CHCHD6: variants seen among roughly 807,000 people sequenced by gnomAD.
CHCHD6 encodes coiled-coil-helix-coiled-coil-helix domain containing 6, also known as MICOS complex subunit MIC25.
Under a neutral mutation model 32.3 loss-of-function variants are expected in CHCHD6, and 28 were observed. The ratio of observed to expected loss-of-function variants is 0.87; its 90% confidence interval spans 0.64 to 1.19. The LOEUF (loss-of-function observed/expected upper bound fraction) is 1.19, where lower values mean the gene tolerates loss of function less well. CHCHD6 is among the 50% of genes most tolerant of loss of function. The probability of loss-of-function intolerance (pLI) is 0.00; values close to 1 mark genes in which losing one functional copy is unlikely to be tolerated. For synonymous variants in CHCHD6, 122 were observed against 117.5 expected, an observed-to-expected ratio of 1.04 and a Z score of -0.25; for missense variants, 333 against 307.0, an observed-to-expected ratio of 1.08 and a Z score of -0.63.
At chr3:126,784,087 A>G (rs1938081712) in intron 4 of CHCHD6, among the ~76,000 whole-genome samples, 1 of 152,112 alleles carries the variant, frequency 6.6e-6, no homozygotes, top group East Asian at 1.9e-4. Context: ...AGCTGCCTGC[A>G]GGTAGCTTTC....
intron 4 of CHCHD6, among the ~76,000 whole-genome samples, chr3:126,761,323 A>T (rs575029544): frequency 6.6e-6 from 1 of 152,238 alleles, no homozygotes; most frequent in South Asian, 2.1e-4. Context: ...CCATCTTCAC[A>T]TGGCATTCTT....
intron 6 of CHCHD6, among the ~76,000 whole-genome samples, chr3:126,929,909 C>G (rs938470113): frequency 2.0e-5 from 3 of 152,200 alleles, no homozygotes; most frequent in Non-Finnish European, 2.9e-5. Flanking sequence ...CCTTCCCCAA[C>G]TAAGTCATTG....
intron 4 of CHCHD6, among the ~76,000 whole-genome samples, chr3:126,845,806 T>G (rs963496887): frequency 6.6e-6 from 1 of 152,232 alleles, no homozygotes; most frequent in East Asian, 1.9e-4. Context: ...GTTTTATAGT[T>G]TCCGGTGGTG....
chr3:126,868,609 G>A (rs753440643), intron 5 of CHCHD6, among the ~76,000 whole-genome samples: 1 of 152,090 alleles, frequency 6.6e-6, no homozygotes, highest in Non-Finnish European at 1.5e-5. Context: ...GCCTAGACTG[G>A]CTTCTGCTAT....
intron 4 of CHCHD6, among the ~76,000 whole-genome samples, chr3:126,755,211 G>A (rs1473905131): frequency 2.0e-5 from 3 of 152,208 alleles, no homozygotes; most frequent in African/African-American, 7.2e-5. Context: ...ATGGCAGGCA[G>A]CAGCTCTGTC....
intron 6 of CHCHD6, among the ~76,000 whole-genome samples, chr3:126,937,721 T>C (rs2078501316): frequency 6.6e-6 from 1 of 152,230 alleles, no homozygotes. Context: ...TCCCAGAGCA[T>C]GCTGGGTGGC....
At chr3:126,805,798 A>G (rs1235125205) in intron 4 of CHCHD6, among the ~76,000 whole-genome samples, 11 of 152,218 alleles carry the variant, frequency 7.2e-5, no homozygotes, top group Admixed American at 7.2e-4. Flanking sequence ...CTGACTTCAA[A>G]CTATACTACA....
chr3:126,727,287 C>A, intron 2 of CHCHD6, 101 bp downstream of exon 2: 1 of 758,304 alleles, frequency 1.3e-6, no homozygotes, highest in Non-Finnish European at 2.2e-6. Context: ...CTCAGGTTGG[C>A]TTCTGGATGA....
chr3:126,883,648 C>T (rs1361623649), intron 5 of CHCHD6, among the ~76,000 whole-genome samples: 1 of 152,202 alleles, frequency 6.6e-6, no homozygotes, highest in South Asian at 2.1e-4. Context: ...TTACCAGCCA[C>T]GGCCATCACT....
At chr3:126,909,800 G>T (rs1267523192) in intron 5 of CHCHD6, among the ~76,000 whole-genome samples, 1 of 152,266 alleles carries the variant, frequency 6.6e-6, no homozygotes, top group East Asian at 1.9e-4. Flanking sequence ...TGAGAATTCG[G>T]TAGAGCGCAC....
At chr3:126,729,498 A>G (rs1935685410) in intron 2 of CHCHD6, among the ~76,000 whole-genome samples, 1 of 152,234 alleles carries the variant, frequency 6.6e-6, no homozygotes, top group Non-Finnish European at 1.5e-5. Context: ...AAAAGCAAAA[A>G]TACCAGACAT....
At chr3:126,905,912 G>A (rs530217669) in intron 5 of CHCHD6, among the ~76,000 whole-genome samples, 26 of 152,234 alleles carry the variant, frequency 1.7e-4, no homozygotes, top group Admixed American at 3.3e-4. Context: ...GGGGCATCAC[G>A]CGAGAACCAA....
At chr3:126,783,420 A>G (rs906015121) in intron 4 of CHCHD6, among the ~76,000 whole-genome samples, 2 of 152,238 alleles carry the variant, frequency 1.3e-5, no homozygotes, top group Non-Finnish European at 1.5e-5. Context: ...TGCCACTTCT[A>G]TTCAACACAG....
chr3:126,820,803 T>G (rs541211044), intron 4 of CHCHD6, among the ~76,000 whole-genome samples: 114 of 152,364 alleles, frequency 7.5e-4, no homozygotes, highest in African/African-American at 2.7e-3. Context: ...TCCACATTCC[T>G]ACCACCATTT....
At chr3:126,788,956 T>G (rs928569117) in intron 4 of CHCHD6, among the ~76,000 whole-genome samples, 1 of 152,224 alleles carries the variant, frequency 6.6e-6, no homozygotes, top group African/African-American at 2.4e-5. Context: ...CTTGTGGGCA[T>G]TTAGTGCTAT....
chr3:126,955,002 C>T (rs921865169), intron 6 of CHCHD6, among the ~76,000 whole-genome samples: 28 of 152,202 alleles, frequency 1.8e-4, no homozygotes, highest in African/African-American at 6.5e-4. Context: ...AGGCAGAGAG[C>T]CTGGCCTGTG....
chr3:126,791,584 C>A (rs906122012), intron 4 of CHCHD6, among the ~76,000 whole-genome samples: 3 of 152,254 alleles, frequency 2.0e-5, no homozygotes, highest in Non-Finnish European at 4.4e-5. Context: ...GCTGTGCTAA[C>A]AATGAGCGAG....
chr3:126,733,039 C>G (rs752538498), intron 3 of CHCHD6, 39 bp from the exon 4 acceptor site: 13 of 1,606,960 alleles, frequency 8.1e-6, no homozygotes, highest in Non-Finnish European at 1.1e-5. Context: ...GCCCGTCATG[C>G]CATCCACATC....
At chr3:126,857,070 C>T (rs1390905188) in intron 5 of CHCHD6, among the ~76,000 whole-genome samples, 1 of 152,108 alleles carries the variant, frequency 6.6e-6, no homozygotes, top group Non-Finnish European at 1.5e-5. Flanking sequence ...AATGCCTGGC[C>T]TTCATTTACT....
Sources: gnomAD v4.1 joint callset for allele counts (sites outside exome capture counted in the v4.1 genomes callset) on GRCh38, gnomAD v4.1.1 for gene constraint, MANE v1.5 for transcripts, NCBI Gene and HGNC (gene_info 2026-07-23, HGNC 2026-07-21) for gene names.